The following ST7 variants were observed in gnomAD, a reference collection of about 807,000 sequenced individuals.
The protein encoded by ST7 is suppression of tumorigenicity 7.
In ST7, 28 loss-of-function variants were observed where a neutral mutation model predicts 78.7. The ratio of observed to expected loss-of-function variants is 0.36; its 90% CI spans 0.26 to 0.49. ST7 has a LOEUF of 0.49. ST7 is among the 20% of genes least tolerant of loss of function. The pLI is 0.99. For missense variants in ST7, 418 were observed against 696.0 expected (o/e 0.60, Z 4.49); for synonymous variants, 247 against 249.6 (o/e 0.99, Z 0.10).
chr7:117,200,367 G>A (rs2091746368), intron 12 of ST7, among the ~76,000 whole-genome samples: 2 of 152,150 alleles, frequency 1.3e-5, no homozygotes, highest in African/African-American at 2.4e-5. Flanking sequence ...CCATAGAGGA[G>A]GAGGCCTCCA....
rs138639367 is a variant in ST7 at position 117,138,496 on chromosome 7, C to T, written c.927C>T (p.Leu309=). 28 of 1,608,268 alleles carry T rather than the reference C, an allele frequency of 1.7e-5. No individual in the cohort carries two copies. Among genetic ancestry groups the T allele is most frequent in the African/African-American group, 2.7e-5 (2 of 74,536 alleles). Residue 309 remains leucine (L), a synonymous_variant, in exon 9 of 16, where the codon CTC becomes CTT. Transcript: ENST00000323984. The part of the protein sequence containing the change: ...KRRLAMCARR[L]GRTREAVKMM... The stretch of plus-strand genomic sequence containing the variant: ...GGCTAGCAATGTGTGCCAGAAGACT[C>T]GGGAGGACCAGGGAAGCAGTGAAAA...
intron 9 of ST7, among the ~76,000 whole-genome samples, chr7:117,170,213 T>C (rs959064786): frequency 1.3e-5 from 2 of 152,190 alleles, no homozygotes; most frequent in Admixed American, 6.5e-5. Context: ...CTCCATGGCA[T>C]TTTATCTTTC....
intron 12 of ST7, chr7:117,198,274 C>T (rs763004716): frequency 8.8e-6 from 4 of 454,206 alleles, no homozygotes; most frequent in Admixed American, 7.1e-5. Flanking sequence ...TTGGCCCCTT[C>T]GTTATCTCTT....
At chr7:117,006,636 A>T (rs916417662) in intron 1 of ST7, among the ~76,000 whole-genome samples, 1 of 152,202 alleles carries the variant, frequency 6.6e-6, no homozygotes, top group African/African-American at 2.4e-5. Context: ...GACCCTAACC[A>T]TATAGAGGCA....
At chr7:116,960,482 G>A (rs1242553753) in intron 1 of ST7, among the ~76,000 whole-genome samples, 1 of 152,172 alleles carries the variant, frequency 6.6e-6, no homozygotes, top group South Asian at 2.1e-4. Flanking sequence ...AGCCACTGCA[G>A]ACACATAAAA....
chr7:117,059,807 CAAAAAAAAAAAA>C (rs35792944), intron 1 of ST7, among the ~76,000 whole-genome samples: 1 of 31,990 alleles, frequency 3.1e-5, no homozygotes, highest in Non-Finnish European at 6.8e-5. Flanking sequence ...TTCATCTCTG[CAAAAAAAAAAAA>C]AAAAAAAAAA....
At chr7:117,163,290 G>A (rs1314759749) in intron 9 of ST7, among the ~76,000 whole-genome samples, 4 of 152,086 alleles carry the variant, frequency 2.6e-5, no homozygotes, top group Non-Finnish European at 5.9e-5. Flanking sequence ...TTGGATAAAT[G>A]CCCAGTAGTG....
At chr7:117,184,324 T>C (rs1340826980) in intron 10 of ST7, 1 of 152,262 alleles carries the variant, frequency 6.6e-6, no homozygotes, top group African/African-American at 2.4e-5. Flanking sequence ...ATAATGTAGC[T>C]AGCTAAATGC....
At chr7:117,184,357 A>G (rs1373183337) in intron 10 of ST7, among the ~76,000 whole-genome samples, 4 of 152,264 alleles carry the variant, frequency 2.6e-5, no homozygotes, top group African/African-American at 9.6e-5. Context: ...TCAGAAGGGC[A>G]CTGCAGAGTC....
chr7:117,115,173 A>G (rs1777820125), intron 2 of ST7, among the ~76,000 whole-genome samples: 1 of 152,030 alleles, frequency 6.6e-6, no homozygotes, highest in African/African-American at 2.4e-5. Context: ...TTCCCAGAAG[A>G]TATACCTAAC....
chr7:117,142,352 C>T (rs145740207), intron 9 of ST7, among the ~76,000 whole-genome samples: 102 of 152,258 alleles, frequency 6.7e-4, no homozygotes, highest in African/African-American at 2.2e-3. Flanking sequence ...GATTTCTCAG[C>T]CTCAGCACTG....
chr7:117,129,856 T>C lies in ST7; in HGVS notation c.449+9T>C, dbSNP rs771698095. 1 of 1,607,016 alleles carries C rather than the reference T, an allele frequency of 6.2e-7. No homozygotes were observed. Among genetic ancestry groups the C allele is most frequent in the Non-Finnish European group, 8.5e-7 (1 of 1,176,672 alleles). On this transcript the variant is annotated intron_variant, in intron 4 of 15. Transcript: ENST00000323984. Reference sequence around the variant, plus strand: ...GGTGCTGAATACAATCGGTAAGCATTTTGACAGCTTGGGAAACAAATGGGT... The same window carrying C: ...GGTGCTGAATACAATCGGTAAGCATCTTGACAGCTTGGGAAACAAATGGGT...
chr7:117,020,250 G>T, intron 1 of ST7: 1 of 298,630 alleles, frequency 3.3e-6, no homozygotes, highest in Non-Finnish European at 6.3e-6. Context: ...GGGGATTGCA[G>T]TATCCGCTGT....
intron 1 of ST7, among the ~76,000 whole-genome samples, chr7:117,001,728 T>G (rs1275465950): frequency 6.6e-6 from 1 of 152,204 alleles, no homozygotes; most frequent in Non-Finnish European, 1.5e-5. Context: ...GATAATTGCA[T>G]TAATATCATT....
chr7:117,200,466 A>G (rs1275946622), intron 12 of ST7, among the ~76,000 whole-genome samples: 3 of 151,822 alleles, frequency 2.0e-5, no homozygotes. Flanking sequence ...GCTGAGGGGG[A>G]AAAAAATAAA....
chr7:117,036,875 G>A (rs540020097), intron 1 of ST7, among the ~76,000 whole-genome samples: 1 of 152,216 alleles, frequency 6.6e-6, no homozygotes, highest in South Asian at 2.1e-4. Flanking sequence ...CCTTTCCTAG[G>A]GGTATGAGTA....
At chr7:117,061,955 A>G (rs1424810316) in intron 1 of ST7, among the ~76,000 whole-genome samples, 4 of 152,324 alleles carry the variant, frequency 2.6e-5, no homozygotes, top group South Asian at 2.1e-4. Context: ...ACAAAATTTC[A>G]TAGGCTGGGT....
intron 1 of ST7, among the ~76,000 whole-genome samples, chr7:117,023,550 C>CT (rs1487825052): frequency 1.3e-5 from 2 of 152,152 alleles, no homozygotes; most frequent in Admixed American, 6.5e-5. Flanking sequence ...GGAAGTATAG[C>CT]TTCTGTAACT....
intron 9 of ST7, among the ~76,000 whole-genome samples, chr7:117,159,701 G>A (rs900983639): frequency 6.6e-6 from 1 of 152,104 alleles, no homozygotes; most frequent in Non-Finnish European, 1.5e-5. Context: ...ATCGAGTTAT[G>A]TTCTATTGTG....
Sources: gnomAD v4.1 joint callset for allele counts (sites outside exome capture counted in the v4.1 genomes callset) on GRCh38, gnomAD v4.1.1 for gene constraint, MANE v1.5 for transcripts, NCBI Gene and HGNC (gene_info 2026-07-23, HGNC 2026-07-21) for gene names.